The following SPAG16 variants were observed in gnomAD, a reference collection of about 807,000 sequenced individuals.
The protein encoded by SPAG16 is sperm-associated antigen 16 protein.
Under a neutral mutation model 80.4 loss-of-function variants are expected in SPAG16, and 86 were observed. The observed-to-expected ratio is 1.07, with a 90% confidence interval of 0.90 to 1.28. The LOEUF (loss-of-function observed/expected upper bound fraction) is 1.28. SPAG16 is among the 50% of genes most tolerant of loss of function. The pLI is 0.00. For missense variants in SPAG16, 870 were observed against 765.3 expected, an observed-to-expected ratio of 1.14 and a Z score of -1.61; for synonymous variants, 294 against 265.9, an observed-to-expected ratio of 1.11 and a Z score of -1.03.
intron 11 of SPAG16, among the ~76,000 whole-genome samples, chr2:213,891,086 T>G (rs2106078114): frequency 6.6e-6 from 1 of 152,244 alleles, no homozygotes; most frequent in East Asian, 1.9e-4. Flanking sequence ...ATTTTTACAC[T>G]TTATTAAACA....
At chr2:214,299,609 A>G (rs1381826631) in intron 15 of SPAG16, among the ~76,000 whole-genome samples, 1 of 152,148 alleles carries the variant, frequency 6.6e-6, no homozygotes, top group Non-Finnish European at 1.5e-5. Flanking sequence ...AAATAATAGT[A>G]AAAAATTTAT....
intron 12 of SPAG16, among the ~76,000 whole-genome samples, chr2:213,987,293 C>T (rs2046062053): frequency 6.6e-6 from 1 of 152,116 alleles, no homozygotes; most frequent in Non-Finnish European, 1.5e-5. Flanking sequence ...CTGCCTACCT[C>T]ATTCTGCCTT....
intron 11 of SPAG16, among the ~76,000 whole-genome samples, chr2:213,883,323 T>A (rs190640108): frequency 9.8e-4 from 150 of 152,314 alleles, no homozygotes; most frequent in Middle Eastern, 3.4e-3. Flanking sequence ...TTTTAAGAGA[T>A]CTTTTTGATA....
At chr2:213,945,387 T>C (rs2079404525) in intron 12 of SPAG16, among the ~76,000 whole-genome samples, 1 of 151,302 alleles carries the variant, frequency 6.6e-6, no homozygotes, top group Admixed American at 6.6e-5. Context: ...AATCACAAGG[T>C]CCCACAACAG....
At chr2:213,913,379 A>G (rs2077768394) in intron 11 of SPAG16, among the ~76,000 whole-genome samples, 1 of 152,114 alleles carries the variant, frequency 6.6e-6, no homozygotes, top group African/African-American at 2.4e-5. Flanking sequence ...ATGTTGAAGC[A>G]CATGTGTAAA....
Position 213,296,411 on chromosome 2 carries a change from A to T in SPAG16, c.183+301A>T, listed in dbSNP as rs536418015. 3.3e-5 allele frequency among the ~76,000 whole-genome samples: 5 copies of T among 152,252 alleles called. No homozygotes were observed. In the East Asian group the frequency reaches 9.6e-4, roughly 29 times the overall value. On this transcript the variant is annotated intron_variant, in intron 2 of 15. Transcript: ENST00000331683. ...AAACTGTTATCTCTGTTCAGGAGGC[A>T]CTTCCTTCCTGTCATCCAGTCTGCT...
chr2:214,085,374 A>G (rs13030419), intron 13 of SPAG16, among the ~76,000 whole-genome samples: 13,600 of 91,238 alleles, frequency 0.15, 794 homozygotes, highest in East Asian at 0.28. Context: ...GGGAGATTCC[A>G]CCTCAAAAAA....
intron 10 of SPAG16, among the ~76,000 whole-genome samples, chr2:213,733,235 T>G (rs1214657173): frequency 1.3e-5 from 2 of 151,610 alleles, no homozygotes; most frequent in Non-Finnish European, 1.5e-5. Flanking sequence ...TTTTTTCTTG[T>G]AAATTTAAGT....
intron 11 of SPAG16, among the ~76,000 whole-genome samples, chr2:213,902,122 A>T (rs1028276583): frequency 8.5e-5 from 13 of 152,246 alleles, no homozygotes; most frequent in African/African-American, 2.9e-4. Context: ...TCAATAAAAA[A>T]TATTTTTCTG....
At chr2:213,311,333 A>G (rs1575156262) in intron 4 of SPAG16, among the ~76,000 whole-genome samples, 2 of 151,868 alleles carry the variant, frequency 1.3e-5, no homozygotes, top group South Asian at 4.1e-4. Context: ...ATAAAGTGAA[A>G]GATTAATATG....
intron 15 of SPAG16, among the ~76,000 whole-genome samples, chr2:214,157,103 A>G (rs563817020): frequency 6.6e-6 from 1 of 152,258 alleles, no homozygotes; most frequent in Admixed American, 6.5e-5. Context: ...GGAGAAAGGA[A>G]CTGGAGAAAC....
intron 12 of SPAG16, among the ~76,000 whole-genome samples, chr2:213,932,949 A>AACACACACACACACACACAC (rs3076792): frequency 2.8e-4 from 40 of 144,040 alleles, no homozygotes; most frequent in African/African-American, 9.0e-4. Flanking sequence ...GTTGTTTGAA[A>AACACACACACACACACACAC]ACACACACAC....
In SPAG16 at chr2:213,411,927, T is replaced by C. The variant is rs1239395233; in HGVS notation, c.942+36808T>C. ...AGAAAAAAAGGTTTGAAAAGAAAAC[T>C]ATAAAGAATACAAGGGGAAGGATTG... On this transcript the variant is annotated intron_variant, in intron 9 of 15. Coordinates refer to ENST00000331683, the MANE Select transcript of SPAG16 (RefSeq NM_024532.5). 2.6e-5 allele frequency among the ~76,000 whole-genome samples: 4 copies of C among 151,834 alleles called. No homozygotes were observed. In the East Asian group the frequency reaches 7.7e-4, roughly 29 times the overall value.
At chr2:213,637,236 G>C (rs773789141) in intron 10 of SPAG16, among the ~76,000 whole-genome samples, 8 of 152,118 alleles carry the variant, frequency 5.3e-5, no homozygotes, top group Non-Finnish European at 8.8e-5. Flanking sequence ...TTTAAATTCT[G>C]TTTATATGAC....
intron 10 of SPAG16, among the ~76,000 whole-genome samples, chr2:213,674,078 C>T (rs1452622244): frequency 6.6e-6 from 1 of 152,044 alleles, no homozygotes; most frequent in Non-Finnish European, 1.5e-5. Context: ...GTCTTTTCTT[C>T]TAGGTGTTAT....
intron 4 of SPAG16, among the ~76,000 whole-genome samples, chr2:213,311,570 T>C (rs2063186503): frequency 6.6e-6 from 1 of 151,684 alleles, no homozygotes; most frequent in African/African-American, 2.4e-5. Flanking sequence ...TTTAAAGTCC[T>C]CCCAAACTAA....
At chr2:214,044,300 TATAA>T (rs1170090935) in intron 13 of SPAG16, among the ~76,000 whole-genome samples, 1 of 152,230 alleles carries the variant, frequency 6.6e-6, no homozygotes, top group East Asian at 1.9e-4. Flanking sequence ...TGAGAAATGC[TATAA>T]ATGTCATGTT....
intron 4 of SPAG16, among the ~76,000 whole-genome samples, chr2:213,313,989 C>A (rs999932130): frequency 7.9e-5 from 12 of 151,812 alleles, no homozygotes; most frequent in African/African-American, 2.7e-4. Context: ...CTTTTACATC[C>A]TATGCCTTGG....
intron 14 of SPAG16, among the ~76,000 whole-genome samples, chr2:214,137,714 A>T (rs1301197133): frequency 6.6e-6 from 1 of 152,138 alleles, no homozygotes; most frequent in East Asian, 1.9e-4. Context: ...ATTTTAGGGA[A>T]GTGACTTTAT....
Sources: gnomAD v4.1 joint callset for allele counts (sites outside exome capture counted in the v4.1 genomes callset) on GRCh38, gnomAD v4.1.1 for gene constraint, MANE v1.5 for transcripts, NCBI Gene and HGNC (gene_info 2026-07-23, HGNC 2026-07-21) for gene names.